LGALS12: variants seen among roughly 807,000 people sequenced by gnomAD.
The protein encoded by LGALS12 is galectin-12.
A neutral mutation model predicts 36.8 loss-of-function variants in LGALS12; 36 were observed. The ratio of observed to expected loss-of-function variants is 0.98; its 90% confidence interval spans 0.75 to 1.29. LGALS12 has a LOEUF of 1.29. Ranked by LOEUF, LGALS12 falls within the 50% of genes most tolerant of loss-of-function variation. LGALS12 has a pLI of 0.00. For missense variants in LGALS12, 366 were observed against 394.3 expected (o/e 0.93, Z 0.61); for synonymous variants, 145 against 155.9 (o/e 0.93, Z 0.52).
intron 1 of LGALS12, among the ~76,000 whole-genome samples, chr11:63,507,020 C>T (rs1008939424): frequency 6.6e-6 from 1 of 152,168 alleles, no homozygotes. Flanking sequence ...CCAGCAGACA[C>T]CCCCTACTAA....
chr11:63,508,827 A>T lies in LGALS12; in HGVS notation c.208A>T (p.Ile70Phe). Residue 70 changes from isoleucine (I) to phenylalanine (F), a missense_variant, in exon 3 of 9, where the codon ATC (isoleucine) becomes TTC (phenylalanine). Ile to Phe is a conservative substitution (Grantham distance 21, BLOSUM62 0). Transcript: ENST00000394618. ...CGCSLCPRPDIAFHFNPRFHT... is the reference protein window; with the variant it reads ...CGCSLCPRPDFAFHFNPRFHT... ...CTGCAGCCTGTGTCCCCGGCCAGAT[A>T]TCGCCTTCCACTTCAACCCTCGCTT... 1 of 1,614,186 alleles carries T rather than the reference A, an allele frequency of 6.2e-7. No homozygotes were observed. Among genetic ancestry groups the T allele is most frequent in the Non-Finnish European group, 8.5e-7 (1 of 1,180,032 alleles).
chr11:63,511,625 C>T (rs1434636287), intron 6 of LGALS12, 127 bp from the exon 7 acceptor site: 1 of 655,344 alleles, frequency 1.5e-6, no homozygotes, highest in African/African-American at 1.8e-5. Flanking sequence ...AACAAATAAG[C>T]AGCGTGTCCT....
At position 63,509,817 on chromosome 11, in the gene LGALS12, C is replaced by T. The variant is rs138723681; in HGVS notation, c.412C>T (p.Arg138Trp). 21 of 1,614,166 alleles carry T rather than the reference C, an allele frequency of 1.3e-5. No homozygotes were observed. In the East Asian group the frequency reaches 2.2e-4, roughly 17 times the overall value. Residue 138 changes from arginine to tryptophan, a missense_variant, in exon 4 of 9, where the codon CGG becomes TGG. Arg to Trp is a moderately radical substitution (Grantham distance 101). Transcript: ENST00000394618. ...NGQHFLHFRY[R>W]LPLSHVDTLG... is the part of the protein sequence containing the mutation. Reference sequence around the variant, plus strand: ...ACAGCACTTTCTCCACTTCCGCTACCGGCTCCCACTGTCTCATGTGGACAC... The same window carrying T: ...ACAGCACTTTCTCCACTTCCGCTACTGGCTCCCACTGTCTCATGTGGACAC...
rs373551716 is a variant in LGALS12, at chr11:63,511,773, C to T, written c.580C>T (p.Leu194Phe). The T allele has an allele frequency of 1.9e-6, 3 of 1,613,628 alleles. No individual in the cohort carries two copies. The Admixed American group carries it at 5.0e-5, about 27-fold the overall frequency. The change falls in exon 7 of 9, where the codon CTT becomes TTT. Residue 194 changes from leucine (L) to phenylalanine (F), a missense_variant. Physicochemically the swap from Leu to Phe is conservative, Grantham distance 22. Coordinates refer to ENST00000394618, the MANE Select transcript of LGALS12 (RefSeq NM_033101.4). ...TCAGGAGGTGCCCTGCTCACATGCT[C>T]TTCCCCAGGGTCTCTCGCCTGGGCA... The part of the protein sequence containing the change: ...PRLEVPCSHA[L>F]PQGLSPGQVI...
At position 63,516,324 on chromosome 11, in the gene LGALS12, G is replaced by A; in HGVS notation, c.876G>A (p.Gln292=). The A allele has an allele frequency of 6.2e-7, 1 of 1,613,360 alleles. No homozygotes were observed. The highest frequency in any genetic ancestry group is 8.5e-7 in the Non-Finnish European group (1 of 1,179,740). The change falls in exon 9 of 9, where the codon CAG becomes CAA. Residue 292 remains glutamine (Q), a synonymous_variant. Coordinates refer to ENST00000394618, the MANE Select transcript of LGALS12 (RefSeq NM_033101.4). ...GQGLGATSMN[Q]QALEQLRELR... is the part of the protein sequence containing the mutation. ...GGCTGGGGGCCACCAGCATGAACCA[G>A]CAGGCCCTGGAGCAGCTGCGGGAGC...
intron 6 of LGALS12, among the ~76,000 whole-genome samples, chr11:63,511,378 T>C (rs2016915775): frequency 6.6e-6 from 1 of 152,184 alleles, no homozygotes; most frequent in Non-Finnish European, 1.5e-5. Context: ...TGAACATCAT[T>C]ACTTGATACT....
At chr11:63,509,324 T>C (rs2016845279) in intron 3 of LGALS12, among the ~76,000 whole-genome samples, 1 of 152,338 alleles carries the variant, frequency 6.6e-6, no homozygotes, top group Admixed American at 6.5e-5. Flanking sequence ...GTACCTTCAT[T>C]ATCCCCATCT....
intron 2 of LGALS12, 27 bp downstream of exon 2, chr11:63,508,668 G>T (rs1218027298): frequency 1.4e-5 from 23 of 1,613,724 alleles, no homozygotes; most frequent in Non-Finnish European, 1.8e-5. Context: ...GGCCCAGGGG[G>T]TGCTGGAGCT....
Position 63,516,662 on chromosome 11 carries a change from A to C in LGALS12, c.*269A>C, listed in dbSNP as rs538436786. ...GGCCTGGACTGCACTCACAGAGGCA[A>C]GTGTTGTAGACTAACAAAGATACTC... On this transcript the variant is annotated 3_prime_UTR_variant, in exon 9 of 9. Coordinates refer to ENST00000394618, the MANE Select transcript of LGALS12 (RefSeq NM_033101.4). 70 of 501,274 alleles carry C rather than the reference A, an allele frequency of 1.4e-4. No homozygotes were observed. The highest frequency in any genetic ancestry group is 1.3e-3 in the African/African-American group (66 of 50,596). The allele number at this position is 501,274 out of a possible 1,614,324, so 31.1% of individuals were successfully genotyped here.
At chr11:63,512,450 A>C (rs916802643) in intron 7 of LGALS12, among the ~76,000 whole-genome samples, 3 of 152,194 alleles carry the variant, frequency 2.0e-5, no homozygotes, top group African/African-American at 7.2e-5. Context: ...GTGCAACCTT[A>C]GGACAGATAC....
rs1006933428 is a variant in LGALS12 at position 63,509,710 on chromosome 11, C to A, written c.373-68C>A. 7 of 1,566,642 alleles carry A rather than the reference C, an allele frequency of 4.5e-6. No homozygotes were observed. In the East Asian group the frequency reaches 1.1e-4, roughly 25 times the overall value. ...ATTGAGGAAAAAGTGCTTGGCAATG[C>A]CTGGGACATTGTTATGAACTCAATG... is the stretch of plus-strand genomic sequence containing the variant. On this transcript the variant is annotated intron_variant, in intron 3 of 8. Coordinates refer to ENST00000394618, the MANE Select transcript of LGALS12 (RefSeq NM_033101.4).
At chr11:63,507,867 A>G (rs1247122780) in intron 1 of LGALS12, 1 of 181,384 alleles carries the variant, frequency 5.5e-6, no homozygotes, top group Non-Finnish European at 1.0e-5. Context: ...CCTCCTGAGT[A>G]GCTGGGATTA....
Position 63,511,812 on chromosome 11 carries a change from C to T in LGALS12, c.619C>T (p.Arg207Trp), listed in dbSNP as rs748637575. ...CTCGCCTGGGCAGGTCATCATAGTA[C>T]GGGGACTGGTCTTGCAAGAGCCGAA... Reference protein sequence around the residue: ...GLSPGQVIIVRGLVLQEPKHF... With the variant: ...GLSPGQVIIVWGLVLQEPKHF... Residue 207 changes from arginine (R) to tryptophan (W), a missense_variant, in exon 7 of 9, where the codon CGG (arginine) becomes TGG (tryptophan). Arg to Trp is a moderately radical substitution (Grantham distance 101, BLOSUM62 -3). Coordinates refer to ENST00000394618, the MANE Select transcript of LGALS12 (RefSeq NM_033101.4). The T allele has an allele frequency of 3.8e-5, 62 of 1,613,322 alleles. No individual in the cohort carries two copies. The highest frequency in any genetic ancestry group is 4.3e-5 in the Non-Finnish European group (51 of 1,179,630).
At chr11:63,514,736 G>C (rs1335122361) in intron 7 of LGALS12, among the ~76,000 whole-genome samples, 2 of 151,312 alleles carry the variant, frequency 1.3e-5, no homozygotes, top group African/African-American at 4.9e-5. Context: ...TTAACTTCTT[G>C]TCCTCATCAC....
Position 63,515,602 on chromosome 11 carries a change from T to G in LGALS12, c.687T>G (p.Pro229=). 1 of 1,614,238 alleles carries G rather than the reference T, an allele frequency of 6.2e-7. No individual in the cohort carries two copies. Among genetic ancestry groups the G allele is most frequent in the Non-Finnish European group, 8.5e-7 (1 of 1,180,024 alleles). ...VSLRDQAAHA[P]VTLRASFADR... ...TGAGGGACCAGGCTGCCCATGCTCCTGTGACACTCAGGGCCTCCTTCGCAG... is the reference window on the plus strand; with the variant it reads ...TGAGGGACCAGGCTGCCCATGCTCCGGTGACACTCAGGGCCTCCTTCGCAG... The change falls in exon 8 of 9, where the codon CCT becomes CCG. Residue 229 remains proline, a synonymous_variant. Transcript: ENST00000394618.
chr11:63,516,271 G>C lies in LGALS12; in HGVS notation c.823G>C (p.Gly275Arg), dbSNP rs1360813510. 1 of 1,595,570 alleles carries C rather than the reference G, an allele frequency of 6.3e-7. No homozygotes were observed. Among genetic ancestry groups the C allele is most frequent in the Admixed American group, 1.7e-5 (1 of 57,410 alleles). Residue 275 changes from glycine (G) to arginine (R), a missense_variant, in exon 9 of 9, where the codon GGG becomes CGG. Physicochemically the swap from Gly to Arg is moderately radical, Grantham distance 125. Transcript: ENST00000394618. ...FEVLLLFQEG[G>R]LKLALNGQGL... ...GGTGCTGCTCCTGTTCCAGGAGGGAGGGCTGAAGCTGGCGCTCAATGGGCA... is the reference window on the plus strand; with the variant it reads ...GGTGCTGCTCCTGTTCCAGGAGGGACGGCTGAAGCTGGCGCTCAATGGGCA...
At chr11:63,515,442 TG>T in intron 7 of LGALS12, 120 bp from the exon 8 acceptor site, 1 of 1,146,294 alleles carries the variant, frequency 8.7e-7, no homozygotes, top group Non-Finnish European at 1.2e-6. Flanking sequence ...TGCTTGTTTC[TG>T]GAGGCTGAAG....
Position 63,515,626 on chromosome 11 carries a change from A to C in LGALS12, c.711A>C (p.Ala237=). 6.2e-7 allele frequency: 1 copy of C among 1,614,232 alleles called. No homozygotes were observed. Among genetic ancestry groups the C allele is most frequent in the Admixed American group, 1.7e-5 (1 of 60,034 alleles). Residue 237 remains alanine, a synonymous_variant, in exon 8 of 9, where the codon GCA becomes GCC. Transcript: ENST00000394618. ...CTGTGACACTCAGGGCCTCCTTCGC[A>C]GACAGAACTCTGGCCTGGATCTCCC... ...HAPVTLRASF[A]DRTLAWISRW...
At position 63,509,965 on chromosome 11, in the gene LGALS12, C is replaced by G. The variant is rs7350540; in HGVS notation, c.492+68C>G. On this transcript the variant is annotated intron_variant, in intron 4 of 8. Coordinates refer to ENST00000394618, the MANE Select transcript of LGALS12 (RefSeq NM_033101.4). ...AATTTCCCCTGACTCCTGGACGGGC[C>G]TGGGACCCCTTCCTCCACCCTAGAC... 7 of 1,553,284 alleles carry G rather than the reference C, an allele frequency of 4.5e-6. No individual in the cohort carries two copies. In the Admixed American group the frequency reaches 5.8e-5, roughly 13 times the overall value.
Sources: gnomAD v4.1 joint callset for allele counts (sites outside exome capture counted in the v4.1 genomes callset) on GRCh38, gnomAD v4.1.1 for gene constraint, MANE v1.5 for transcripts, NCBI Gene and HGNC (gene_info 2026-07-23, HGNC 2026-07-21) for gene names.